CNNM2: variants seen among roughly 807,000 people sequenced by gnomAD.
CNNM2 encodes metal transporter CNNM2.
Under a neutral mutation model 66.9 loss-of-function variants are expected in CNNM2, and 12 were observed. That is an observed-to-expected ratio of 0.18 (90% CI 0.11 to 0.29). CNNM2 has a LOEUF of 0.29. Ranked by LOEUF, CNNM2 falls within the 10% of genes least tolerant of loss-of-function variation. The pLI is 1.00. For synonymous variants in CNNM2, 557 were observed against 501.8 expected (o/e 1.11, Z -1.47); for missense variants, 705 against 1,167.7 (o/e 0.60, Z 5.77).
Position 102,988,704 on chromosome 10 carries a change from C to G in CNNM2, c.1622-61003C>G, listed in dbSNP as rs558224479. Among the ~76,000 whole-genome samples, 233 of 152,164 alleles carry G rather than the reference C, an allele frequency of 1.5e-3. 2 individuals are homozygous for G. The highest frequency in any genetic ancestry group is 5.3e-3 in the African/African-American group (220 of 41,526). Reference sequence around the variant, plus strand: ...TTCCTTGGTAAAATTCTGCCCACACCCTATCTTTTGGGCACTTAATTATAC... The same window carrying G: ...TTCCTTGGTAAAATTCTGCCCACACGCTATCTTTTGGGCACTTAATTATAC... On this transcript the variant is annotated intron_variant, in intron 1 of 7. Transcript: ENST00000369878.
intron 1 of CNNM2, among the ~76,000 whole-genome samples, chr10:102,960,731 C>T (rs956519924): frequency 2.6e-5 from 4 of 151,282 alleles, no homozygotes; most frequent in South Asian, 2.1e-4. Flanking sequence ...GCTATCCTCC[C>T]GCCTCAGCCT....
At chr10:102,952,039 T>A (rs1473943910) in intron 1 of CNNM2, among the ~76,000 whole-genome samples, 1 of 151,806 alleles carries the variant, frequency 6.6e-6, no homozygotes, top group African/African-American at 2.4e-5. Context: ...CCGACCTCAG[T>A]TGATCCACCC....
chr10:102,939,814 T>C (rs1446002187), intron 1 of CNNM2, among the ~76,000 whole-genome samples: 1 of 151,850 alleles, frequency 6.6e-6, no homozygotes, highest in Non-Finnish European at 1.5e-5. Context: ...CTACTAAAAA[T>C]ACAAAAATCA....
At chr10:103,073,393 T>A (rs1483150767) in intron 6 of CNNM2, among the ~76,000 whole-genome samples, 1 of 152,194 alleles carries the variant, frequency 6.6e-6, no homozygotes, top group African/African-American at 2.4e-5. Context: ...CAAACACTGT[T>A]TCAAAAGTAT....
rs2065751185 is a variant in CNNM2 at position 103,080,862 on chromosome 10, G to C, written c.*3682G>C. The C allele has an allele frequency of 6.6e-6, 1 of 152,198 alleles. No individual in the cohort carries two copies. The highest frequency in any genetic ancestry group is 2.1e-4 in the South Asian group (1 of 4,830). The allele number at this position is 152,198 out of a possible 1,614,324, so 9.4% of individuals were successfully genotyped here. A position where few individuals can be genotyped will look rare whatever the true frequency, so the allele number is the denominator to read the frequency against. Reference sequence around the variant, plus strand: ...CTTCTGCCCTCAAATTCTCTCTTTGGGTTGAGGAGCAGACCTGTATAGGCC... The same window carrying C: ...CTTCTGCCCTCAAATTCTCTCTTTGCGTTGAGGAGCAGACCTGTATAGGCC... On this transcript the variant is annotated 3_prime_UTR_variant, in exon 8 of 8. Transcript: ENST00000369878.
At chr10:102,924,800 T>C (rs1845792869) in intron 1 of CNNM2, among the ~76,000 whole-genome samples, 3 of 152,174 alleles carry the variant, frequency 2.0e-5, no homozygotes, top group Admixed American at 6.6e-5. Flanking sequence ...TTTAAAGGTA[T>C]GAATGGTGTC....
At chr10:102,939,990 A>G (rs1405398668) in intron 1 of CNNM2, among the ~76,000 whole-genome samples, 1 of 137,176 alleles carries the variant, frequency 7.3e-6, no homozygotes, top group East Asian at 2.1e-4. Context: ...AACAACAACA[A>G]CAACAACAAC....
chr10:102,930,358 G>T (rs1187448924), intron 1 of CNNM2, among the ~76,000 whole-genome samples: 2 of 152,152 alleles, frequency 1.3e-5, no homozygotes, highest in Admixed American at 1.3e-4. Context: ...GGTGATCATA[G>T]CCAGTCTTTG....
intron 1 of CNNM2, among the ~76,000 whole-genome samples, chr10:102,988,697 C>T (rs757014656): frequency 7.9e-5 from 12 of 152,044 alleles, no homozygotes; most frequent in Non-Finnish European, 1.5e-4. Context: ...TAAAATTCTG[C>T]CCACACCCTA....
Position 102,976,611 on chromosome 10 carries a change from A to ATTTTTTTTTTTTTTT in CNNM2, c.1621+56524_1621+56538dup, listed in dbSNP as rs66498944. Among the ~76,000 whole-genome samples, 183 of 59,434 alleles carry ATTTTTTTTTTTTTTT rather than the reference A, an allele frequency of 3.1e-3. 11 individuals carry two copies. Among genetic ancestry groups the ATTTTTTTTTTTTTTT allele is most frequent in the Non-Finnish European group, 3.7e-3 (122 of 32,936 alleles). 39.0% of individuals were successfully genotyped at this position (59,434 alleles called of 152,430 possible). On this transcript the variant is annotated intron_variant, in intron 1 of 7. Transcript: ENST00000369878. ...CAGGTGTGCGCCACACGCCCAGGTA[A>ATTTTTTTTTTTTTTT]TTTTTTTTTTTTTTTTTTTTTTTTT...
At chr10:103,034,858 C>T (rs1293770555) in intron 1 of CNNM2, among the ~76,000 whole-genome samples, 1 of 150,658 alleles carries the variant, frequency 6.6e-6, no homozygotes, top group East Asian at 2.0e-4. Context: ...CCCAGCTACT[C>T]GGGAGGCTGA....
In CNNM2 at chr10:102,918,817, G is replaced by A; in HGVS notation, c.337G>A (p.Glu113Lys). The change falls in exon 1 of 8, where the codon GAG becomes AAG. Residue 113 changes from glutamate to lysine, a missense_variant. Glu to Lys is a moderately conservative substitution (Grantham distance 56, BLOSUM62 1). Around this residue, in one of 9 missense-constraint regions of CNNM2, gnomAD observed 15 missense variants for 58.1 expected, o/e 0.26. Transcript: ENST00000369878. This position sits in a 1 kb window ranked among gnomAD's most constrained non-coding sequence, Gnocchi z 4.1. ...LRVYGQNINN[E>K]TWSRIAFTEH... ...GGTGTACGGGCAGAACATCAATAACGAGACGTGGTCCCGCATCGCCTTCAC... is the reference window on the plus strand; with the variant it reads ...GGTGTACGGGCAGAACATCAATAACAAGACGTGGTCCCGCATCGCCTTCAC... The A allele has an allele frequency of 1.3e-6, 2 of 1,597,316 alleles. No homozygotes were observed. The highest frequency in any genetic ancestry group is 1.1e-5 in the South Asian group (1 of 88,728).
chr10:103,065,715 G>T (rs1363186103), intron 4 of CNNM2, among the ~76,000 whole-genome samples: 1 of 152,162 alleles, frequency 6.6e-6, no homozygotes, highest in Non-Finnish European at 1.5e-5. Context: ...TGCATGGAGG[G>T]TCAGGCTCAG....
intron 1 of CNNM2, among the ~76,000 whole-genome samples, chr10:103,044,746 A>G (rs1028096536): frequency 1.3e-5 from 2 of 152,202 alleles, no homozygotes; most frequent in African/African-American, 4.8e-5. Flanking sequence ...AGGACTTCTC[A>G]CCAGGAATTC....
intron 1 of CNNM2, among the ~76,000 whole-genome samples, chr10:102,975,076 T>C (rs2063605241): frequency 6.6e-6 from 1 of 152,172 alleles, no homozygotes; most frequent in African/African-American, 2.4e-5. Flanking sequence ...AAGCCACAGA[T>C]AGAAAGACAT....
chr10:102,969,318 A>G (rs1052642663), intron 1 of CNNM2, among the ~76,000 whole-genome samples: 1 of 151,996 alleles, frequency 6.6e-6, no homozygotes, highest in Non-Finnish European at 1.5e-5. Flanking sequence ...GGTTCAAACG[A>G]TTCTCCTGCC....
At chr10:103,041,374 T>C (rs765856894) in intron 1 of CNNM2, among the ~76,000 whole-genome samples, 23 of 152,180 alleles carry the variant, frequency 1.5e-4, no homozygotes, top group Non-Finnish European at 1.5e-5. Flanking sequence ...AAGACAAAGA[T>C]TTCAGAGTTT....
At position 103,065,708 on chromosome 10, in the gene CNNM2, A is replaced by C. The variant is rs141783333; in HGVS notation, c.2074-2921A>C. 4.5e-4 allele frequency among the ~76,000 whole-genome samples: 69 copies of C among 152,294 alleles called. No homozygotes were observed. The highest frequency in any genetic ancestry group is 8.7e-4 in the Non-Finnish European group (59 of 68,022). ...TTGACTCTTCCTCCTGATTTCCTGCATGGAGGGTCAGGCTCAGAGCTGGTC... is the reference window on the plus strand; with the variant it reads ...TTGACTCTTCCTCCTGATTTCCTGCCTGGAGGGTCAGGCTCAGAGCTGGTC... On this transcript the variant is annotated intron_variant, in intron 4 of 7. Coordinates refer to ENST00000369878, the MANE Select transcript of CNNM2 (RefSeq NM_017649.5).
chr10:102,929,709 C>T (rs1210764022), intron 1 of CNNM2, among the ~76,000 whole-genome samples: 3 of 152,058 alleles, frequency 2.0e-5, no homozygotes, highest in African/African-American at 4.8e-5. Context: ...TCCGCTCATC[C>T]GTTGATAGAC....
Sources: gnomAD v4.1 joint callset for allele counts (sites outside exome capture counted in the v4.1 genomes callset) on GRCh38, gnomAD v4.1.1 for gene constraint, gnomAD v4.1.1 regional missense constraint, Gnocchi (gnomAD v3.1) non-coding constraint, MANE v1.5 for transcripts, NCBI Gene and HGNC (gene_info 2026-07-23, HGNC 2026-07-21) for gene names.